ALK: variants seen among roughly 807,000 people sequenced by gnomAD.
ALK encodes ALK tyrosine kinase receptor.
ALK carries 74 observed loss-of-function variants against 163.1 expected under a neutral mutation model. The ratio of observed to expected loss-of-function variants is 0.45; its 90% CI spans 0.38 to 0.55. The LOEUF is 0.55. Among genes scored for constraint, ALK ranks in the 20% least tolerant of loss-of-function variants. The pLI, the probability that ALK is intolerant of heterozygous loss-of-function variation, is 0.00. For synonymous variants in ALK, 960 were observed against 843.2 expected, an observed-to-expected ratio of 1.14 and a Z score of -2.40; for missense variants, 2,063 against 2,105.3, an observed-to-expected ratio of 0.98 and a Z score of 0.39.
At position 29,920,262 on chromosome 2, in the gene ALK, C is replaced by A. The variant is rs768229646; in HGVS notation, c.398G>T (p.Arg133Leu). The A allele has an allele frequency of 2.5e-6, 4 of 1,597,862 alleles. No homozygotes were observed. The highest frequency in any genetic ancestry group is 3.4e-6 in the Non-Finnish European group (4 of 1,173,070). The change falls in exon 1 of 29, where the codon CGC becomes CTC. Residue 133 changes from arginine to leucine, a missense_variant. Physicochemically the swap from Arg to Leu is moderately radical, Grantham distance 102 (BLOSUM62 -2). Transcript: ENST00000389048. Reference protein sequence around the residue: ...LSRVLKGGSVRKLRRAKQLVL... With the variant: ...LSRVLKGGSVLKLRRAKQLVL... ...CAACTGCTTGGCACGCCGGAGCTTG[C>A]GCACGGAGCCGCCCTTCAGCACCCT...
At chr2:29,747,493 G>T (rs1428394368) in intron 1 of ALK, among the ~76,000 whole-genome samples, 1 of 152,218 alleles carries the variant, frequency 6.6e-6, no homozygotes, top group Non-Finnish European at 1.5e-5. Flanking sequence ...CAGGAGGAGA[G>T]CATCTCTTGG....
At chr2:29,918,701 CGTGT>C (rs1182860750) in intron 1 of ALK, among the ~76,000 whole-genome samples, 16 of 151,904 alleles carry the variant, frequency 1.1e-4, no homozygotes, top group Non-Finnish European at 4.4e-5. Flanking sequence ...TGAGAGTACT[CGTGT>C]GTGTGTGTAT....
At chr2:29,683,944 G>A (rs554693928) in intron 3 of ALK, among the ~76,000 whole-genome samples, 1 of 152,320 alleles carries the variant, frequency 6.6e-6, no homozygotes, top group Admixed American at 6.5e-5. Context: ...GGGAGCCACA[G>A]AGGTAAAATG....
intron 9 of ALK, 148 bp downstream of exon 9, chr2:29,296,740 T>TGTGC: frequency 1.2e-6 from 1 of 801,050 alleles, no homozygotes; most frequent in Non-Finnish European, 2.1e-6. Flanking sequence ...TGTGTGTGTG[T>TGTGC]GCACGTGCGT....
Position 29,246,872 on chromosome 2 carries a change from A to AG in ALK, c.2204+4232dup, listed in dbSNP as rs1394225218. The stretch of plus-strand genomic sequence containing the variant: ...TCACTTCCACCCTCATGCTTTCACC[A>AG]GGGGGAGCGAGAGGCCTTTTGGGGG... On this transcript the variant is annotated intron_variant, in intron 12 of 28. Coordinates refer to ENST00000389048, the MANE Select transcript of ALK (RefSeq NM_004304.5). The surrounding 1 kb of genome is among the most constrained non-coding windows in gnomAD (Gnocchi z 4.3). 3.9e-5 allele frequency among the ~76,000 whole-genome samples: 6 copies of AG among 152,060 alleles called. No individual in the cohort carries two copies. Among genetic ancestry groups the AG allele is most frequent in the African/African-American group, 1.2e-4 (5 of 41,400 alleles).
chr2:29,249,557 C>A (rs1418430678), intron 12 of ALK, among the ~76,000 whole-genome samples: 2 of 152,164 alleles, frequency 1.3e-5, no homozygotes, highest in Admixed American at 6.5e-5. Flanking sequence ...CCAGAGCACC[C>A]TGGGTTTGAA....
chr2:29,799,912 T>C (rs192098550), intron 1 of ALK, among the ~76,000 whole-genome samples: 1 of 152,352 alleles, frequency 6.6e-6, no homozygotes, highest in Admixed American at 6.5e-5. Flanking sequence ...CCAGCATCCT[T>C]GCATTCATCT....
At chr2:29,242,734 C>T (rs1012193477) in intron 12 of ALK, among the ~76,000 whole-genome samples, 7 of 152,214 alleles carry the variant, frequency 4.6e-5, no homozygotes, top group African/African-American at 1.2e-4. Flanking sequence ...AACCCCTGCT[C>T]TCATGGGCAT....
At chr2:29,618,539 C>T (rs1675925756) in intron 3 of ALK, among the ~76,000 whole-genome samples, 1 of 152,030 alleles carries the variant, frequency 6.6e-6, no homozygotes, top group Non-Finnish European at 1.5e-5. Context: ...GGTCCCCTCC[C>T]TGTGCTCCCA....
intron 5 of ALK, among the ~76,000 whole-genome samples, chr2:29,365,522 A>T (rs1376059868): frequency 1.3e-5 from 2 of 152,070 alleles, no homozygotes; most frequent in African/African-American, 4.8e-5. Context: ...GATGATGGGG[A>T]CCTTGTGCAG....
intron 1 of ALK, among the ~76,000 whole-genome samples, chr2:29,892,844 G>T (rs371229510): frequency 1.3e-5 from 2 of 152,158 alleles, no homozygotes; most frequent in Non-Finnish European, 1.5e-5. Flanking sequence ...TGTGGTAGAG[G>T]GGGGAGAATG....
chr2:29,916,487 C>G (rs1264910203), intron 1 of ALK, among the ~76,000 whole-genome samples: 2 of 152,206 alleles, frequency 1.3e-5, no homozygotes, highest in African/African-American at 4.8e-5. Flanking sequence ...CCCAATTCAC[C>G]TCCAATAACT....
chr2:29,747,964 G>A (rs1185232827), intron 1 of ALK, among the ~76,000 whole-genome samples: 1 of 152,164 alleles, frequency 6.6e-6, no homozygotes, highest in Non-Finnish European at 1.5e-5. Flanking sequence ...AAACTAACTA[G>A]CAACGAAAGA....
intron 3 of ALK, among the ~76,000 whole-genome samples, chr2:29,566,882 A>T (rs1294664630): frequency 6.6e-6 from 1 of 152,300 alleles, no homozygotes; most frequent in South Asian, 2.1e-4. Context: ...AACAGAATGC[A>T]ATATGATATA....
At chr2:29,624,958 G>C (rs1247145077) in intron 3 of ALK, among the ~76,000 whole-genome samples, 1 of 152,198 alleles carries the variant, frequency 6.6e-6, no homozygotes, top group Non-Finnish European at 1.5e-5. Context: ...GGGGAGATAA[G>C]ACTGACAGCT....
At chr2:29,339,339 G>A (rs1181560685) in intron 5 of ALK, among the ~76,000 whole-genome samples, 1 of 152,136 alleles carries the variant, frequency 6.6e-6, no homozygotes, top group African/African-American at 2.4e-5. Flanking sequence ...GGCTGTGGAG[G>A]AGCGGAAACT....
intron 3 of ALK, among the ~76,000 whole-genome samples, chr2:29,623,967 C>A (rs72862877): frequency 0.013 from 1,963 of 152,270 alleles, 35 homozygotes; most frequent in African/African-American, 0.036. Context: ...TACTAAGTTA[C>A]CTGATGCATA....
intron 1 of ALK, among the ~76,000 whole-genome samples, chr2:29,774,737 A>G (rs574213078): frequency 4.1e-4 from 63 of 152,348 alleles, no homozygotes; most frequent in Non-Finnish European, 3.7e-4. Flanking sequence ...GTAGAATGCG[A>G]AAGGCACCAC....
At chr2:29,748,596 A>C (rs1427378320) in intron 1 of ALK, among the ~76,000 whole-genome samples, 1 of 152,236 alleles carries the variant, frequency 6.6e-6, no homozygotes, top group Non-Finnish European at 1.5e-5. Flanking sequence ...CGTGGGAAGC[A>C]TGTTGAACAG....
Sources: allele counts gnomAD v4.1 joint callset (sites outside exome capture counted in the v4.1 genomes callset), GRCh38; gene constraint gnomAD v4.1.1; non-coding constraint Gnocchi (gnomAD v3.1); transcripts MANE v1.5; gene names NCBI Gene and HGNC (gene_info 2026-07-23, HGNC 2026-07-21).